The following DIAPH3 variants were observed in gnomAD, a reference collection of about 807,000 sequenced individuals.
DIAPH3 encodes the protein protein diaphanous homolog 3.
A neutral mutation model predicts 144.3 loss-of-function variants in DIAPH3; 117 were observed. The observed-to-expected ratio is 0.81, with a 90% CI of 0.70 to 0.95. DIAPH3 has a LOEUF of 0.95. Ranked by LOEUF, DIAPH3 falls within the 40% of genes least tolerant of loss-of-function variation. DIAPH3 has a pLI of 0.00. For synonymous variants in DIAPH3, 519 were observed against 488.9 expected (o/e 1.06, Z -0.81); for missense variants, 1,421 against 1,412.7 (o/e 1.01, Z -0.09).
In DIAPH3 at chr13:59,682,273, TTTTC is replaced by T. The variant is rs1016264134; in HGVS notation, c.3320-15431_3320-15428del. ...GAGTCATAAAATTATTTTTCAGTTG[TTTTC>T]TTTTTTAACAAAAATGAGCTAACCA... On this transcript the variant is annotated intron_variant, in intron 27 of 27. Transcript: ENST00000400324. 5.9e-5 allele frequency among the ~76,000 whole-genome samples: 9 copies of T among 152,310 alleles called. No individual in the cohort carries two copies. In the South Asian group the frequency reaches 8.3e-4, roughly 14 times the overall value.
At chr13:60,036,383 T>C (rs1248452303) in intron 5 of DIAPH3, among the ~76,000 whole-genome samples, 1 of 152,154 alleles carries the variant, frequency 6.6e-6, no homozygotes, top group Non-Finnish European at 1.5e-5. Context: ...TGGTAGCCAC[T>C]AACTACATGT....
At chr13:60,133,041 TTTTAG>T in intron 1 of DIAPH3, 52 bp from the exon 2 acceptor site, 1 of 1,297,610 alleles carries the variant, frequency 7.7e-7, no homozygotes, top group African/African-American at 1.5e-5. Flanking sequence ...AGCTTCTTTA[TTTTAG>T]TTAATAGGGT....
At chr13:59,956,449 G>A (rs1172799096) in intron 17 of DIAPH3, among the ~76,000 whole-genome samples, 2 of 152,200 alleles carry the variant, frequency 1.3e-5, no homozygotes, top group East Asian at 1.9e-4. Context: ...GCTTACACAT[G>A]GTGTCAGGAC....
At chr13:59,880,978 C>CA (rs77481523) in intron 20 of DIAPH3, among the ~76,000 whole-genome samples, 8,152 of 64,664 alleles carry the variant, frequency 0.13, 416 homozygotes, top group East Asian at 0.34. Flanking sequence ...CAACAAGGAC[C>CA]AAAAAAAAAA....
intron 25 of DIAPH3, among the ~76,000 whole-genome samples, chr13:59,778,627 T>G (rs368083049): frequency 2.0e-5 from 3 of 152,356 alleles, no homozygotes; most frequent in African/African-American, 7.2e-5. Context: ...TTCCCTTGTC[T>G]CATACATCTA....
intron 24 of DIAPH3, among the ~76,000 whole-genome samples, chr13:59,819,943 A>T (rs539176614): frequency 6.6e-6 from 1 of 152,040 alleles, no homozygotes; most frequent in East Asian, 1.9e-4. Flanking sequence ...CAATACAAGG[A>T]TATTTTAAGA....
intron 5 of DIAPH3, 53 bp downstream of exon 5, chr13:60,042,636 TA>T: frequency 5.6e-6 from 9 of 1,608,704 alleles, no homozygotes; most frequent in Non-Finnish European, 7.6e-6. Flanking sequence ...AGTATTAAAC[TA>T]AAAGAACACA....
intron 4 of DIAPH3, among the ~76,000 whole-genome samples, chr13:60,075,336 A>T (rs1006652624): frequency 6.6e-6 from 1 of 152,144 alleles, no homozygotes; most frequent in Non-Finnish European, 1.5e-5. Context: ...ATACATAGCA[A>T]ACGTTTTCTT....
intron 22 of DIAPH3, among the ~76,000 whole-genome samples, chr13:59,859,879 T>A (rs977852318): frequency 6.6e-6 from 1 of 152,192 alleles, no homozygotes; most frequent in East Asian, 1.9e-4. Flanking sequence ...TTGAATCCTA[T>A]TAAAACATCT....
In DIAPH3 at chr13:60,158,154, G is replaced by A. The variant is rs564990594; in HGVS notation, c.180+5433C>T. ...TCCAAGTATTGTCTCCAATAGCCAT[G>A]TCTTTTGATCACTCTCCAGTGTTTT... On this transcript the variant is annotated intron_variant, in intron 1 of 27. Transcript: ENST00000400324. 2.6e-5 allele frequency among the ~76,000 whole-genome samples: 4 copies of A among 152,290 alleles called. No homozygotes were observed. In the East Asian group the frequency reaches 7.7e-4, roughly 29 times the overall value.
intron 4 of DIAPH3, among the ~76,000 whole-genome samples, chr13:60,074,055 T>C (rs138438978): frequency 2.0e-5 from 3 of 152,290 alleles, no homozygotes; most frequent in East Asian, 1.9e-4. Flanking sequence ...AAAACTTTGA[T>C]AAAGGAGGCC....
intron 2 of DIAPH3, among the ~76,000 whole-genome samples, chr13:60,118,378 A>G (rs977474226): frequency 6.6e-6 from 1 of 152,220 alleles, no homozygotes; most frequent in African/African-American, 2.4e-5. Flanking sequence ...ATAATTAGTC[A>G]TCTTACAATT....
At chr13:59,828,002 T>A (rs2041547368) in intron 24 of DIAPH3, among the ~76,000 whole-genome samples, 1 of 152,040 alleles carries the variant, frequency 6.6e-6, no homozygotes, top group Non-Finnish European at 1.5e-5. Flanking sequence ...GCAGTGAATC[T>A]AAAACCAGTC....
chr13:59,806,394 T>C (rs2040193926), intron 25 of DIAPH3, among the ~76,000 whole-genome samples: 1 of 151,984 alleles, frequency 6.6e-6, no homozygotes, highest in Non-Finnish European at 1.5e-5. Context: ...TTAGCACATA[T>C]AGTACAGCTT....
chr13:60,099,814 C>CT (rs199758466), intron 3 of DIAPH3, among the ~76,000 whole-genome samples: 1,643 of 150,334 alleles, frequency 0.011, 8 homozygotes, highest in South Asian at 0.035. Flanking sequence ...ACTTGGAAAG[C>CT]TTTTTTTTTC....
intron 4 of DIAPH3, among the ~76,000 whole-genome samples, chr13:60,077,682 G>A (rs1033861128): frequency 6.6e-6 from 1 of 152,192 alleles, no homozygotes; most frequent in African/African-American, 2.4e-5. Flanking sequence ...CAACTCCCCA[G>A]GAAAGGGAGT....
intron 4 of DIAPH3, among the ~76,000 whole-genome samples, chr13:60,082,134 G>C (rs928273810): frequency 3.3e-5 from 5 of 151,462 alleles, no homozygotes; most frequent in Non-Finnish European, 1.5e-5. Flanking sequence ...AAAATGCAGT[G>C]AGGGAATTCA....
intron 27 of DIAPH3, among the ~76,000 whole-genome samples, chr13:59,770,706 A>G (rs1039255355): frequency 6.6e-6 from 1 of 152,104 alleles, no homozygotes; most frequent in African/African-American, 2.4e-5. Flanking sequence ...AACTGTCCTC[A>G]TGAAGTCTGG....
At chr13:59,746,748 T>C (rs2036724656) in intron 27 of DIAPH3, among the ~76,000 whole-genome samples, 1 of 152,184 alleles carries the variant, frequency 6.6e-6, no homozygotes, top group Admixed American at 6.5e-5. Flanking sequence ...ATGAAGTTCA[T>C]AAAAGTATTT....
Sources: gnomAD v4.1 joint callset for allele counts (sites outside exome capture counted in the v4.1 genomes callset) on GRCh38, gnomAD v4.1.1 for gene constraint, MANE v1.5 for transcripts, NCBI Gene and HGNC (gene_info 2026-07-23, HGNC 2026-07-21) for gene names.